Variants in RTCA observed in about 807,000 individuals in gnomAD.
The protein encoded by RTCA is RNA terminal phosphate cyclase domain 1.
In RTCA, 37 loss-of-function variants were observed where a neutral mutation model predicts 46.1. The ratio of observed to expected loss-of-function variants is 0.80; its 90% CI spans 0.62 to 1.06. The LOEUF is 1.06. Ranked by LOEUF, RTCA falls within the 50% of genes least tolerant of loss-of-function variation. RTCA has a pLI of 0.00. For synonymous variants in RTCA, 164 were observed against 158.3 expected, an observed-to-expected ratio of 1.04 and a Z score of -0.27; for missense variants, 435 against 455.5, an observed-to-expected ratio of 0.95 and a Z score of 0.41.
Position 100,275,598 on chromosome 1 carries a change from G to C in RTCA, c.616-1G>C. On this transcript the variant is annotated splice_acceptor_variant, in intron 6 of 10. Coordinates refer to ENST00000370128, the MANE Select transcript of RTCA (RefSeq NM_003729.4). LOFTEE classifies it high-confidence loss of function. ...TCTATTTTTCTGTCTTGCTAAAATA[G>C]GTAGCAAAAGATATGGCAGCGGCAG... The C allele has an allele frequency of 6.3e-7, 1 of 1,595,252 alleles. No homozygotes were observed. The highest frequency in any genetic ancestry group is 8.5e-7 in the Non-Finnish European group (1 of 1,172,466).
chr1:100,273,263 A>G lies in RTCA; in HGVS notation c.415-131A>G, dbSNP rs1022385034. The G allele has an allele frequency of 9.3e-6, 5 of 535,372 alleles. No individual in the cohort carries two copies. The African/African-American group carries it at 1.0e-4, about 11-fold the overall frequency. 33.2% of individuals were successfully genotyped at this position (535,372 alleles called of 1,614,324 possible). ...TATTTGAAAAAAATGGAACCAGCCT[A>G]CATATTCTTATAACACTGTTTACCT... On this transcript the variant is annotated intron_variant, in intron 4 of 10. Transcript: ENST00000370128.
intron 10 of RTCA, among the ~76,000 whole-genome samples, chr1:100,290,204 T>A (rs759706856): frequency 6.6e-6 from 1 of 152,164 alleles, no homozygotes; most frequent in Non-Finnish European, 1.5e-5. Context: ...CTTCCAAGAA[T>A]CCTAAGATTT....
chr1:100,275,827 A>C, intron 7 of RTCA, 104 bp downstream of exon 7: 1 of 1,018,150 alleles, frequency 9.8e-7, no homozygotes, highest in East Asian at 3.0e-5. Context: ...TAGTTTTAAG[A>C]AGTATTTATT....
At chr1:100,282,797 A>T (rs1666786603) in intron 8 of RTCA, among the ~76,000 whole-genome samples, 1 of 152,180 alleles carries the variant, frequency 6.6e-6, no homozygotes, top group African/African-American at 2.4e-5. Flanking sequence ...AACATTAATG[A>T]ATTTCAGGTT....
intron 10 of RTCA, among the ~76,000 whole-genome samples, chr1:100,290,081 T>C (rs906395716): frequency 2.0e-5 from 3 of 152,320 alleles, no homozygotes; most frequent in Middle Eastern, 3.4e-3. Flanking sequence ...TCAACAGTAA[T>C]TTCAAGTGTC....
At chr1:100,275,482 T>C (rs1666320577) in intron 6 of RTCA, 117 bp from the exon 7 acceptor site, 1 of 669,946 alleles carries the variant, frequency 1.5e-6, no homozygotes, top group Non-Finnish European at 2.4e-6. Context: ...GAAAATCAAG[T>C]TATTAAATAA....
chr1:100,273,840 C>T (rs1027762344), intron 5 of RTCA, among the ~76,000 whole-genome samples: 3 of 152,154 alleles, frequency 2.0e-5, no homozygotes, highest in Non-Finnish European at 4.4e-5. Flanking sequence ...ACACATTGGG[C>T]ATTCAGGTTA....
chr1:100,291,701 T>C lies in RTCA; in HGVS notation c.*197T>C, dbSNP rs1667361606. On this transcript the variant is annotated 3_prime_UTR_variant, in exon 11 of 11. Coordinates refer to ENST00000370128, the MANE Select transcript of RTCA (RefSeq NM_003729.4). Reference sequence around the variant, plus strand: ...CTCCTGAGAGATGGACAATGAAATATCAGTTGGTGGATATGTGTGATAGCT... The same window carrying C: ...CTCCTGAGAGATGGACAATGAAATACCAGTTGGTGGATATGTGTGATAGCT... The C allele has an allele frequency of 2.7e-6, 1 of 363,954 alleles. No homozygotes were observed. Among genetic ancestry groups the C allele is most frequent in the East Asian group, 4.4e-5 (1 of 22,828 alleles). 22.5% of individuals were successfully genotyped at this position (363,954 alleles called of 1,614,324 possible). A position where few individuals can be genotyped will look rare whatever the true frequency, so the allele number is the denominator to read the frequency against.
At chr1:100,290,592 C>T (rs1326814637) in intron 10 of RTCA, among the ~76,000 whole-genome samples, 1 of 152,022 alleles carries the variant, frequency 6.6e-6, no homozygotes, top group Non-Finnish European at 1.5e-5. Context: ...AAAGTGAGAC[C>T]CTGCCTATAC....
At chr1:100,277,426 T>A in intron 8 of RTCA, 110 bp downstream of exon 8, 1 of 957,966 alleles carries the variant, frequency 1.0e-6, no homozygotes, top group Non-Finnish European at 1.6e-6. Flanking sequence ...AGGATGTAGT[T>A]AATTGATTCT....
At chr1:100,269,357 A>G (rs1489679728) in intron 3 of RTCA, among the ~76,000 whole-genome samples, 1 of 136,026 alleles carries the variant, frequency 7.4e-6, no homozygotes, top group Non-Finnish European at 1.5e-5. Flanking sequence ...ATATTTAGCT[A>G]TCAGTCTTTT....
chr1:100,271,581 G>A (rs1666098263), intron 4 of RTCA, among the ~76,000 whole-genome samples: 1 of 151,784 alleles, frequency 6.6e-6, no homozygotes, highest in Non-Finnish European at 1.5e-5. Flanking sequence ...TTTCTATTAA[G>A]CCCCTTCCAT....
At chr1:100,281,437 G>A (rs1384044418) in intron 8 of RTCA, 2 of 404,630 alleles carry the variant, frequency 4.9e-6, no homozygotes, top group Non-Finnish European at 9.9e-6. Context: ...GACCGTGATT[G>A]TGATCTATGT....
At chr1:100,284,078 C>T (rs1418055187) in intron 8 of RTCA, among the ~76,000 whole-genome samples, 2 of 150,688 alleles carry the variant, frequency 1.3e-5, no homozygotes, top group Admixed American at 6.6e-5. Context: ...CAAAACTAAC[C>T]ACATTTTCAT....
chr1:100,289,214 G>A (rs1170012927), intron 10 of RTCA, among the ~76,000 whole-genome samples: 1 of 151,668 alleles, frequency 6.6e-6, no homozygotes, highest in Non-Finnish European at 1.5e-5. Context: ...CAGTAGCCCC[G>A]AACTCCTGGG....
At chr1:100,287,292 A>G in intron 10 of RTCA, 89 bp downstream of exon 10, 1 of 840,912 alleles carries the variant, frequency 1.2e-6, no homozygotes, top group Non-Finnish European at 1.8e-6. Flanking sequence ...CTTAATAGTA[A>G]TCATAATTGC....
chr1:100,291,623 A>G lies in RTCA; in HGVS notation c.*119A>G, dbSNP rs1667358779. 9 of 644,148 alleles carry G rather than the reference A, an allele frequency of 1.4e-5. 1 individual carries two copies. The South Asian group carries it at 1.7e-4, about 12-fold the overall frequency. The allele number at this position is 644,148 out of a possible 1,614,324, so 39.9% of individuals were successfully genotyped here. On this transcript the variant is annotated 3_prime_UTR_variant, in exon 11 of 11. Transcript: ENST00000370128. ...TGACTTAAATTTGAAGATGAAGTAC[A>G]GTGTTCTAGGTTTGCTGAGAAGGCT...
chr1:100,266,808 A>AG, intron 2 of RTCA, 184 bp downstream of exon 2: 1 of 584,858 alleles, frequency 1.7e-6, no homozygotes, highest in South Asian at 2.1e-5. Context: ...GAAAGCCTGG[A>AG]GGGGTGAGTT....
At chr1:100,283,653 C>A (rs1666847165) in intron 8 of RTCA, among the ~76,000 whole-genome samples, 1 of 151,996 alleles carries the variant, frequency 6.6e-6, no homozygotes, top group Non-Finnish European at 1.5e-5. Flanking sequence ...TCTCCATCTT[C>A]TAGAAGAGGA....
Sources: allele counts gnomAD v4.1 joint callset (sites outside exome capture counted in the v4.1 genomes callset), GRCh38; gene constraint gnomAD v4.1.1; transcripts MANE v1.5; gene names NCBI Gene and HGNC (gene_info 2026-07-23, HGNC 2026-07-21).